Variants in SINHCAF observed in about 807,000 individuals in gnomAD.
SINHCAF encodes the protein SIN3-HDAC complex-associated factor.
SINHCAF carries 3 observed loss-of-function variants against 25.8 expected under a neutral mutation model. The ratio of observed to expected loss-of-function variants is 0.12; its 90% CI spans 0.05 to 0.30. The LOEUF is 0.30. Among genes scored for constraint, SINHCAF ranks in the 10% least tolerant of loss-of-function variants. The probability of loss-of-function intolerance (pLI) is 1.00; values close to 1 mark genes in which losing one functional copy is unlikely to be tolerated. For missense variants in SINHCAF, 121 were observed against 262.3 expected (o/e 0.46, Z 3.72); for synonymous variants, 70 against 85.5 (o/e 0.82, Z 1.00).
At chr12:31,283,096 G>A (rs1396941201) in intron 5 of SINHCAF, among the ~76,000 whole-genome samples, 1 of 151,992 alleles carries the variant, frequency 6.6e-6, no homozygotes, top group Non-Finnish European at 1.5e-5. Context: ...AAATATTGAG[G>A]AAGACGGCAT....
chr12:31,309,542 T>C (rs1271064650), intron 1 of SINHCAF, among the ~76,000 whole-genome samples: 1 of 152,172 alleles, frequency 6.6e-6, no homozygotes, highest in African/African-American at 2.4e-5. Context: ...CTTCTGGCAT[T>C]AGTAGAAAAG....
chr12:31,284,708 A>G (rs1243169202), intron 5 of SINHCAF, among the ~76,000 whole-genome samples: 1 of 152,170 alleles, frequency 6.6e-6, no homozygotes, highest in Non-Finnish European at 1.5e-5. Context: ...TGAACAGACC[A>G]TTTTCGCCCA....
rs191033708 is a variant in SINHCAF at position 31,321,191 on chromosome 12, G to A, written c.-21+4833C>T. Among the ~76,000 whole-genome samples, 128 of 152,220 alleles carry A rather than the reference G, an allele frequency of 8.4e-4. 2 individuals carry two copies. The highest frequency in any genetic ancestry group is 2.7e-3 in the African/African-American group (112 of 41,544). On this transcript the variant is annotated intron_variant, in intron 1 of 5. Coordinates refer to ENST00000337682, the MANE Select transcript of SINHCAF (RefSeq NM_001135812.2). ...TGGAGAAACAAAAGACAACAAAAAA[G>A]TCTCAATTTATAACACCCCAAAATC...
chr12:31,314,533 A>AG (rs1359813186), intron 1 of SINHCAF, among the ~76,000 whole-genome samples: 1 of 152,146 alleles, frequency 6.6e-6, no homozygotes, highest in Non-Finnish European at 1.5e-5. Context: ...CTCAAAAAAA[A>AG]AAGAAAGATG....
chr12:31,301,094 C>T (rs963311005), intron 1 of SINHCAF, among the ~76,000 whole-genome samples: 3 of 152,188 alleles, frequency 2.0e-5, no homozygotes, highest in African/African-American at 7.2e-5. Context: ...TTGGATTTGA[C>T]CAAGACGCCA....
chr12:31,282,671 G>A lies in SINHCAF; in HGVS notation c.*41C>T, dbSNP rs1565486068. On this transcript the variant is annotated 3_prime_UTR_variant, in exon 6 of 6. Transcript: ENST00000337682. ...TAGCTTTGTGGTTTTTCAAAATTCA[G>A]ATATTTTTTTTTTTGTTCCCCTTCT... 1 of 1,487,148 alleles carries A rather than the reference G, an allele frequency of 6.7e-7. No individual in the cohort carries two copies. Among genetic ancestry groups the A allele is most frequent in the Non-Finnish European group, 9.0e-7 (1 of 1,106,602 alleles). The allele number at this position is 1,487,148 out of a possible 1,614,324, so 92.1% of individuals were successfully genotyped here.
intron 3 of SINHCAF, among the ~76,000 whole-genome samples, chr12:31,294,457 G>T (rs969378470): frequency 6.6e-6 from 1 of 152,066 alleles, no homozygotes; most frequent in Non-Finnish European, 1.5e-5. Flanking sequence ...AGGTCTTCAG[G>T]CCTATTCTTT....
At chr12:31,296,019 T>G (rs1456435673) in intron 2 of SINHCAF, among the ~76,000 whole-genome samples, 1 of 151,706 alleles carries the variant, frequency 6.6e-6, no homozygotes, top group African/African-American at 2.4e-5. Context: ...CATCTCTACT[T>G]TAAAATTTTT....
intron 1 of SINHCAF, among the ~76,000 whole-genome samples, chr12:31,321,913 A>G (rs1939707407): frequency 6.6e-6 from 1 of 152,104 alleles, no homozygotes. Flanking sequence ...TGGTTCTTAA[A>G]TTGCTTCTCT....
At position 31,282,622 on chromosome 12, in the gene SINHCAF, CAAA is replaced by C; in HGVS notation, c.*87_*89del. ...GGGTAACAAGAGCAAAACTCCGTCT[CAAA>C]AAAAAAAGAGGGTCAGTTTGTAGCT... On this transcript the variant is annotated 3_prime_UTR_variant, in exon 6 of 6. Transcript: ENST00000337682. 1 of 1,048,862 alleles carries C rather than the reference CAAA, an allele frequency of 9.5e-7. No individual in the cohort carries two copies. The highest frequency in any genetic ancestry group is 3.1e-5 in the Admixed American group (1 of 32,576). 65.0% of individuals were successfully genotyped at this position (1,048,862 alleles called of 1,614,324 possible).
intron 4 of SINHCAF, among the ~76,000 whole-genome samples, chr12:31,289,800 G>GA: frequency 6.8e-6 from 1 of 146,496 alleles, no homozygotes; most frequent in Admixed American, 6.8e-5. Context: ...GAAAATTTGG[G>GA]TTTTTTTTTT....
intron 4 of SINHCAF, 89 bp downstream of exon 4, chr12:31,293,716 G>GA: frequency 3.5e-6 from 4 of 1,159,170 alleles, no homozygotes; most frequent in Non-Finnish European, 4.7e-6. Flanking sequence ...AGCAATAAAG[G>GA]AAAAAATGAT....
intron 1 of SINHCAF, among the ~76,000 whole-genome samples, chr12:31,316,697 A>G (rs965341099): frequency 1.3e-5 from 2 of 152,244 alleles, no homozygotes; most frequent in East Asian, 1.9e-4. Flanking sequence ...TTTCTGATAA[A>G]TAAGATTAAA....
chr12:31,283,856 A>ACG (rs1491254853), intron 5 of SINHCAF, among the ~76,000 whole-genome samples: 19 of 480 alleles, frequency 0.04, no homozygotes, highest in Non-Finnish European at 0.027. Flanking sequence ...GTTATCCATT[A>ACG]CACACACACA....
Position 31,280,706 on chromosome 12 carries a change from A to G in SINHCAF, c.*2006T>C, listed in dbSNP as rs1364229136. 4 of 152,564 alleles carry G rather than the reference A, an allele frequency of 2.6e-5. No individual in the cohort carries two copies. The highest frequency in any genetic ancestry group is 9.7e-5 in the African/African-American group (4 of 41,432). 9.5% of individuals were successfully genotyped at this position (152,564 alleles called of 1,614,324 possible). Reference sequence around the variant, plus strand: ...TTTCTAATATATTAATACAAAGTGCATGACTACATACAGTACATCCTACAG... The same window carrying G: ...TTTCTAATATATTAATACAAAGTGCGTGACTACATACAGTACATCCTACAG... On this transcript the variant is annotated 3_prime_UTR_variant, in exon 6 of 6. Transcript: ENST00000337682.
intron 4 of SINHCAF, among the ~76,000 whole-genome samples, chr12:31,289,148 G>C (rs1192556008): frequency 6.6e-6 from 1 of 152,180 alleles, no homozygotes; most frequent in African/African-American, 2.4e-5. Context: ...AATGAACAGA[G>C]CAGGAGAAAC....
intron 1 of SINHCAF, among the ~76,000 whole-genome samples, chr12:31,317,560 C>T (rs1329900593): frequency 6.6e-6 from 1 of 151,786 alleles, no homozygotes; most frequent in Non-Finnish European, 1.5e-5. Context: ...ATAGTGGTTG[C>T]CTCTGAGGAG....
Position 31,294,020 on chromosome 12 carries a change from C to T in SINHCAF, c.229-89G>A, listed in dbSNP as rs1014820763. 5.2e-6 allele frequency: 5 copies of T among 952,916 alleles called. No homozygotes were observed. In the African/African-American group the frequency reaches 8.5e-5, roughly 16 times the overall value. The allele number at this position is 952,916 out of a possible 1,614,324, so 59.0% of individuals were successfully genotyped here. A position where few individuals can be genotyped will look rare whatever the true frequency, so the allele number is the denominator to read the frequency against. ...CAGATCCGTGCCTATTTGAGAACCA[C>T]AGTTTTATACTGAAAAGAGGATGAA... On this transcript the variant is annotated intron_variant, in intron 3 of 5. Transcript: ENST00000337682.
intron 1 of SINHCAF, among the ~76,000 whole-genome samples, chr12:31,322,269 AG>A (rs1281595250): frequency 1.2e-4 from 19 of 152,374 alleles, no homozygotes; most frequent in African/African-American, 4.1e-4. Context: ...CTCTGTATGT[AG>A]TATATGAAAT....
Sources: gnomAD v4.1 joint callset for allele counts (sites outside exome capture counted in the v4.1 genomes callset) on GRCh38, gnomAD v4.1.1 for gene constraint, MANE v1.5 for transcripts, NCBI Gene and HGNC (gene_info 2026-07-23, HGNC 2026-07-21) for gene names.